The following CLSTN1 variants were observed in gnomAD, a reference collection of about 807,000 sequenced individuals.
CLSTN1 encodes the protein calsyntenin-1.
A neutral mutation model predicts 108.3 loss-of-function variants in CLSTN1; 28 were observed. That is an observed-to-expected ratio of 0.26 (90% CI 0.19 to 0.35). CLSTN1 has a LOEUF of 0.35. Ranked by LOEUF, CLSTN1 falls within the 10% of genes least tolerant of loss-of-function variation. The probability of loss-of-function intolerance (pLI) is 1.00; values close to 1 mark genes in which losing one functional copy is unlikely to be tolerated. For synonymous variants in CLSTN1, 524 were observed against 534.9 expected (o/e 0.98, Z 0.28); for missense variants, 1,157 against 1,302.6 (o/e 0.89, Z 1.72).
At chr1:9,793,472 G>A (rs899084463) in intron 1 of CLSTN1, among the ~76,000 whole-genome samples, 6 of 151,502 alleles carry the variant, frequency 4.0e-5, no homozygotes, top group South Asian at 2.2e-4. Flanking sequence ...CTTCGAATCT[G>A]AGACAATCAA....
At chr1:9,793,870 A>T (rs991955223) in intron 1 of CLSTN1, among the ~76,000 whole-genome samples, 2 of 151,508 alleles carry the variant, frequency 1.3e-5, no homozygotes, top group African/African-American at 4.8e-5. Context: ...AGTGGTACCC[A>T]CTGCCTTTCT....
At chr1:9,771,044 C>T (rs768053884) in intron 2 of CLSTN1, among the ~76,000 whole-genome samples, 15 of 152,208 alleles carry the variant, frequency 9.9e-5, no homozygotes, top group Non-Finnish European at 1.9e-4. Flanking sequence ...TTATTAACAA[C>T]ATAGTAAGAT....
At chr1:9,801,206 T>C (rs1407024310) in intron 1 of CLSTN1, among the ~76,000 whole-genome samples, 3 of 151,674 alleles carry the variant, frequency 2.0e-5, no homozygotes, top group East Asian at 2.0e-4. Context: ...GATCGTGCCA[T>C]TGCACTCCAG....
chr1:9,735,036 T>C lies in CLSTN1; in HGVS notation c.2022A>G (p.Glu674=). 1.9e-6 allele frequency: 3 copies of C among 1,614,192 alleles called. No individual in the cohort carries two copies. The highest frequency in any genetic ancestry group is 2.5e-6 in the Non-Finnish European group (3 of 1,180,038). Residue 674 remains glutamate, a synonymous_variant, in exon 14 of 19, where the codon GAA becomes GAG. Coordinates refer to ENST00000377298, the MANE Select transcript of CLSTN1 (RefSeq NM_001009566.3). The stretch of plus-strand genomic sequence containing the variant: ...GAAGCTCAGGGAAAAGGAACACCCC[T>C]TCTGAGCTTTCAAATTCAGAAGCTG... ...ARAASEFESS[E]GVFLFPELRI...
chr1:9,771,978 CTTT>C (rs750410911), intron 2 of CLSTN1, among the ~76,000 whole-genome samples: 8 of 144,390 alleles, frequency 5.5e-5, no homozygotes, highest in Non-Finnish European at 1.1e-4. Context: ...AAATAGAACA[CTTT>C]TTTTTTTTTT....
At chr1:9,764,038 G>A (rs911618062) in intron 2 of CLSTN1, among the ~76,000 whole-genome samples, 2 of 151,956 alleles carry the variant, frequency 1.3e-5, no homozygotes, top group Non-Finnish European at 2.9e-5. Context: ...AGGGCCTCAG[G>A]CTACTTCCAC....
chr1:9,797,718 A>C (rs1455080539), intron 1 of CLSTN1, among the ~76,000 whole-genome samples: 3 of 152,076 alleles, frequency 2.0e-5, no homozygotes, highest in African/African-American at 4.8e-5. Flanking sequence ...GGAACAGAGG[A>C]GGCTTGGCTA....
chr1:9,733,434 A>T lies in CLSTN1; in HGVS notation c.2394T>A (p.Asn798Lys). 1.2e-6 allele frequency: 2 copies of T among 1,614,216 alleles called. No individual in the cohort carries two copies. Among genetic ancestry groups the T allele is most frequent in the South Asian group, 1.1e-5 (1 of 91,080 alleles). The change falls in exon 16 of 19, where the codon AAT becomes AAA. Residue 798 changes from asparagine to lysine, a missense_variant. Physicochemically the swap from Asn to Lys is moderately conservative, Grantham distance 94. Coordinates refer to ENST00000377298, the MANE Select transcript of CLSTN1 (RefSeq NM_001009566.3). Reference sequence around the variant, plus strand: ...TAAATTCGTTGCTGATGTAGCGGCCATTCAGCTCTGAGCAGATGAGCTTAA... The same window carrying T: ...TAAATTCGTTGCTGATGTAGCGGCCTTTCAGCTCTGAGCAGATGAGCTTAA... ...RKFKLICSEL[N>K]GRYISNEFKV...
Position 9,749,755 on chromosome 1 carries a change from G to A in CLSTN1, c.799+9C>T. The A allele has an allele frequency of 6.2e-7, 1 of 1,613,948 alleles. No individual in the cohort carries two copies. The highest frequency in any genetic ancestry group is 8.5e-7 in the Non-Finnish European group (1 of 1,179,948). ...CAGATGTGAGCGCAGGGGAGAGAATGAAGCTCACCTTGCCACCCAGGGGTG... is the reference window on the plus strand; with the variant it reads ...CAGATGTGAGCGCAGGGGAGAGAATAAAGCTCACCTTGCCACCCAGGGGTG... On this transcript the variant is annotated intron_variant, in intron 6 of 18. Transcript: ENST00000377298.
intron 2 of CLSTN1, among the ~76,000 whole-genome samples, chr1:9,759,793 GA>G (rs1651982085): frequency 6.6e-6 from 1 of 152,170 alleles, no homozygotes; most frequent in Non-Finnish European, 1.5e-5. Flanking sequence ...AGACACCCAC[GA>G]GTAAAACTGC....
At chr1:9,742,400 A>G (rs999712991) in intron 9 of CLSTN1, among the ~76,000 whole-genome samples, 2 of 152,184 alleles carry the variant, frequency 1.3e-5, no homozygotes, top group African/African-American at 4.8e-5. Context: ...AACTAGACTG[A>G]CCAAGAGTTG....
chr1:9,754,340 T>C (rs969442230), intron 4 of CLSTN1, among the ~76,000 whole-genome samples: 4 of 152,050 alleles, frequency 2.6e-5, no homozygotes, highest in Admixed American at 6.5e-5. Context: ...GGCAGGTGAA[T>C]GATGGGGTCA....
chr1:9,735,448 G>A lies in CLSTN1; in HGVS notation c.1883+19C>T, dbSNP rs777923079. The stretch of plus-strand genomic sequence containing the variant: ...TGTCATTGGGCAAAACAGGCCGGCT[G>A]TTAAAAATCAGGACGTACTTGATTG... On this transcript the variant is annotated intron_variant, in intron 13 of 18. Transcript: ENST00000377298. 4.3e-6 allele frequency: 7 copies of A among 1,614,208 alleles called. No homozygotes were observed. The highest frequency in any genetic ancestry group is 5.9e-6 in the Non-Finnish European group (7 of 1,180,006).
intron 2 of CLSTN1, among the ~76,000 whole-genome samples, chr1:9,768,049 G>A (rs1448812513): frequency 6.6e-6 from 1 of 152,118 alleles, no homozygotes; most frequent in Non-Finnish European, 1.5e-5. Context: ...TGAAATGGAG[G>A]CACAGAAAGG....
At chr1:9,809,698 C>T (rs544432186) in intron 1 of CLSTN1, among the ~76,000 whole-genome samples, 8 of 151,822 alleles carry the variant, frequency 5.3e-5, no homozygotes, top group Admixed American at 1.3e-4. Context: ...GTCAAGAGTT[C>T]GAGACCAACC....
chr1:9,787,007 G>A (rs915370431), intron 1 of CLSTN1, among the ~76,000 whole-genome samples: 1 of 151,452 alleles, frequency 6.6e-6, no homozygotes, highest in African/African-American at 2.4e-5. Flanking sequence ...GATGCCAGGA[G>A]AGTCCCAAGA....
At chr1:9,805,677 G>A (rs553995627) in intron 1 of CLSTN1, among the ~76,000 whole-genome samples, 2 of 152,080 alleles carry the variant, frequency 1.3e-5, no homozygotes, top group South Asian at 4.2e-4. Context: ...GATCGGCCTG[G>A]CCAACATGGT....
intron 1 of CLSTN1, among the ~76,000 whole-genome samples, chr1:9,796,589 C>T (rs1654015784): frequency 6.6e-6 from 1 of 150,924 alleles, no homozygotes; most frequent in Non-Finnish European, 1.5e-5. Context: ...GAGGCTGAGG[C>T]AGGAGAATGG....
chr1:9,734,909 G>T lies in CLSTN1; in HGVS notation c.2110+39C>A. On this transcript the variant is annotated intron_variant, in intron 14 of 18. Transcript: ENST00000377298. This position sits in a 1 kb window ranked among gnomAD's most constrained non-coding sequence, Gnocchi z 4.8. ...GTACATGGGGACAATGGGGTTTCCG[G>T]CCGAGGCGAGGGAGCCCGCGCCCCA... is the stretch of plus-strand genomic sequence containing the variant. The T allele has an allele frequency of 6.4e-7, 1 of 1,563,460 alleles. No homozygotes were observed. The highest frequency in any genetic ancestry group is 8.8e-7 in the Non-Finnish European group (1 of 1,134,788).
Sources: allele counts gnomAD v4.1 joint callset (sites outside exome capture counted in the v4.1 genomes callset), GRCh38; gene constraint gnomAD v4.1.1; non-coding constraint Gnocchi (gnomAD v3.1); transcripts MANE v1.5; gene names NCBI Gene and HGNC (gene_info 2026-07-23, HGNC 2026-07-21).